LARGE1: variants seen among roughly 807,000 people sequenced by gnomAD.
LARGE1 encodes LARGE xylosyl- and glucuronyltransferase 1.
In LARGE1, 43 loss-of-function variants were observed where a neutral mutation model predicts 87.6. The observed-to-expected ratio is 0.49, with a 90% confidence interval of 0.38 to 0.63. The LOEUF (loss-of-function observed/expected upper bound fraction) is 0.63, where lower values mean the gene tolerates loss of function less well. Among genes scored for constraint, LARGE1 ranks in the 30% least tolerant of loss-of-function variants. The pLI is 0.00. For synonymous variants in LARGE1, 434 were observed against 394.6 expected, an observed-to-expected ratio of 1.10 and a Z score of -1.18; for missense variants, 802 against 1,000.2, an observed-to-expected ratio of 0.80 and a Z score of 2.67.
chr22:33,416,889 G>T (rs2066511224), intron 7 of LARGE1, among the ~76,000 whole-genome samples: 1 of 144,588 alleles, frequency 6.9e-6, no homozygotes, highest in Admixed American at 6.9e-5. Context: ...TTACAGGTGT[G>T]AGGCACCACG....
At chr22:33,557,694 T>C (rs76167857) in intron 6 of LARGE1, among the ~76,000 whole-genome samples, 9,672 of 152,260 alleles carry the variant, frequency 0.064, 442 homozygotes, top group Non-Finnish European at 0.097. Flanking sequence ...GCCTCCCAAG[T>C]AGCTGGAATT....
intron 2 of LARGE1, among the ~76,000 whole-genome samples, chr22:33,700,094 C>T (rs551948803): frequency 9.2e-5 from 14 of 152,184 alleles, no homozygotes; most frequent in African/African-American, 2.9e-4. Context: ...AGATTTGTTG[C>T]CTCCAGGAAA....
chr22:33,079,163 T>A, the LARGE1 span, among the ~76,000 whole-genome samples: 1 of 150,428 alleles, frequency 6.6e-6, no homozygotes. Context: ...TTAAGGTACA[T>A]AAAGCGCTTA....
intron 4 of LARGE1, among the ~76,000 whole-genome samples, chr22:33,615,273 G>T (rs2079549332): frequency 6.6e-6 from 1 of 151,912 alleles, no homozygotes; most frequent in African/African-American, 2.4e-5. Context: ...ATGAACACAT[G>T]AATAATTACC....
At chr22:33,209,913 C>T (rs1473996372) in intron 11 of LARGE1, among the ~76,000 whole-genome samples, 1 of 152,168 alleles carries the variant, frequency 6.6e-6, no homozygotes, top group African/African-American at 2.4e-5. Context: ...CTTCCCAAAG[C>T]AATGGTATTA....
At position 33,856,800 on chromosome 22, in the gene LARGE1, G is replaced by T. The variant is rs1326085467; in HGVS notation, c.-83+63195C>A. Reference sequence around the variant, plus strand: ...CATCTGAATGCGTTTCTTAATGTAGGTTCTGAAAAATAGACAAGGCCCCTT... The same window carrying T: ...CATCTGAATGCGTTTCTTAATGTAGTTTCTGAAAAATAGACAAGGCCCCTT... On this transcript the variant is annotated intron_variant, in intron 1 of 14. Coordinates refer to ENST00000397394, the MANE Select transcript of LARGE1 (RefSeq NM_133642.5). The T allele has an allele frequency of 2.0e-5, 3 of 152,132 alleles. No individual in the cohort carries two copies. The highest frequency in any genetic ancestry group is 4.8e-5 in the African/African-American group (2 of 41,408). The allele number at this position is 152,132 out of a possible 1,614,324, so 9.4% of individuals were successfully genotyped here.
intron 2 of LARGE1, chr22:33,743,161 G>A (rs546825310): frequency 2.6e-5 from 4 of 152,184 alleles, no homozygotes; most frequent in South Asian, 2.1e-4. Flanking sequence ...CAGAAGCCAA[G>A]CAGATGCCGG....
intron 11 of LARGE1, among the ~76,000 whole-genome samples, chr22:33,251,341 A>G (rs748888155): frequency 6.6e-6 from 1 of 152,134 alleles, no homozygotes; most frequent in Non-Finnish European, 1.5e-5. Flanking sequence ...ACACACCTGT[A>G]CTTAACTATT....
chr22:33,286,085 G>A (rs1931476790), intron 12 of LARGE1, among the ~76,000 whole-genome samples: 1 of 152,204 alleles, frequency 6.6e-6, no homozygotes, highest in Non-Finnish European at 1.5e-5. Context: ...GGTTCGTAAA[G>A]GACGACAGCA....
At chr22:33,498,759 C>T (rs972034650) in intron 6 of LARGE1, among the ~76,000 whole-genome samples, 2 of 152,142 alleles carry the variant, frequency 1.3e-5, no homozygotes, top group African/African-American at 4.8e-5. Context: ...ATCACGAGGT[C>T]AGGAGATCGA....
chr22:33,398,282 G>T (rs1179046157), intron 7 of LARGE1, among the ~76,000 whole-genome samples: 1 of 151,640 alleles, frequency 6.6e-6, no homozygotes, highest in Non-Finnish European at 1.5e-5. Flanking sequence ...AATGGCTTCA[G>T]GAAACTGAGG....
intron 7 of LARGE1, among the ~76,000 whole-genome samples, chr22:33,394,968 T>C (rs2065675086): frequency 6.6e-6 from 1 of 152,100 alleles, no homozygotes; most frequent in Non-Finnish European, 1.5e-5. Flanking sequence ...GGCTCACACC[T>C]GTAATCCCAG....
chr22:33,833,636 A>G (rs1369410115), intron 1 of LARGE1, among the ~76,000 whole-genome samples: 1 of 152,152 alleles, frequency 6.6e-6, no homozygotes, highest in Non-Finnish European at 1.5e-5. Flanking sequence ...AAACTAACAC[A>G]CTAGGTGAGG....
chr22:33,334,181 G>C (rs1011802158), intron 10 of LARGE1, among the ~76,000 whole-genome samples: 4 of 151,892 alleles, frequency 2.6e-5, no homozygotes, highest in African/African-American at 9.7e-5. Flanking sequence ...GGGAGGCCGA[G>C]GCAGGTGGAT....
At chr22:33,504,920 A>G (rs574709549) in intron 6 of LARGE1, among the ~76,000 whole-genome samples, 1 of 152,360 alleles carries the variant, frequency 6.6e-6, no homozygotes, top group East Asian at 1.9e-4. Context: ...CTGTATTGCT[A>G]AAGTGTATAG....
intron 5 of LARGE1, among the ~76,000 whole-genome samples, chr22:33,598,725 A>C (rs1251153708): frequency 6.6e-6 from 1 of 152,216 alleles, no homozygotes; most frequent in Non-Finnish European, 1.5e-5. Flanking sequence ...AAGGCTGCAT[A>C]GTATTCCATG....
intron 2 of LARGE1, among the ~76,000 whole-genome samples, chr22:33,684,257 T>C (rs149353366): frequency 2.6e-5 from 4 of 152,152 alleles, no homozygotes; most frequent in Admixed American, 6.5e-5. Flanking sequence ...TTCTCTGACC[T>C]TGCTCCCCAC....
chr22:33,715,858 G>A lies in LARGE1; in HGVS notation c.106+45513C>T, dbSNP rs529307389. 1.4e-4 allele frequency among the ~76,000 whole-genome samples: 21 copies of A among 152,260 alleles called. No homozygotes were observed. In the East Asian group the frequency reaches 2.1e-3, roughly 15 times the overall value. On this transcript the variant is annotated intron_variant, in intron 2 of 14. Coordinates refer to ENST00000397394, the MANE Select transcript of LARGE1 (RefSeq NM_133642.5). ...GAGCAAAGGGCCTCCATGGAAACGCGGCAGATCCCAGCTGACAACGGCTTT... is the reference window on the plus strand; with the variant it reads ...GAGCAAAGGGCCTCCATGGAAACGCAGCAGATCCCAGCTGACAACGGCTTT...
intron 2 of LARGE1, among the ~76,000 whole-genome samples, chr22:33,696,542 C>T (rs951941922): frequency 6.6e-6 from 1 of 152,096 alleles, no homozygotes; most frequent in Non-Finnish European, 1.5e-5. Context: ...GGATTACAGG[C>T]CTATCTATTC....
Sources: gnomAD v4.1 joint callset for allele counts (sites outside exome capture counted in the v4.1 genomes callset) on GRCh38, gnomAD v4.1.1 for gene constraint, MANE v1.5 for transcripts, NCBI Gene and HGNC (gene_info 2026-07-23, HGNC 2026-07-21) for gene names.